The following STRADA variants were observed in gnomAD, a reference collection of about 807,000 sequenced individuals.
STRADA encodes the protein STE20 related adaptor alpha.
Under a neutral mutation model 55.0 loss-of-function variants are expected in STRADA, and 26 were observed. The observed-to-expected ratio is 0.47, with a 90% confidence interval of 0.35 to 0.66. The LOEUF is 0.66. Ranked by LOEUF, STRADA falls within the 30% of genes least tolerant of loss-of-function variation. The probability of loss-of-function intolerance (pLI) is 0.01; values close to 1 mark genes in which losing one functional copy is unlikely to be tolerated. For missense variants in STRADA, 443 were observed against 549.7 expected, an observed-to-expected ratio of 0.81 and a Z score of 1.94; for synonymous variants, 197 against 210.9, an observed-to-expected ratio of 0.93 and a Z score of 0.57.
chr17:63,715,700 T>C (rs1255491453), intron 4 of STRADA: 5 of 152,192 alleles, frequency 3.3e-5, no homozygotes, highest in Non-Finnish European at 7.3e-5. Flanking sequence ...CCACTTACCC[T>C]GGCAATAAGA....
In STRADA at chr17:63,728,889, CA is replaced by C. The variant is rs72080041; in HGVS notation, c.-44-477del. Among the ~76,000 whole-genome samples, 902 of 141,958 alleles carry C rather than the reference CA, an allele frequency of 6.4e-3. 5 individuals carry two copies. Among genetic ancestry groups the C allele is most frequent in the Admixed American group, 9.3e-3 (132 of 14,212 alleles). The allele number at this position is 141,958 out of a possible 152,430, so 93.1% of individuals were successfully genotyped here. ...CCTGGGTGACAGAGTGAGACTGTCTCAAAAAAAAAAAAAATTTTAATTAATT... is the reference window on the plus strand; with the variant it reads ...CCTGGGTGACAGAGTGAGACTGTCTCAAAAAAAAAAAAATTTTAATTAATT... On this transcript the variant is annotated intron_variant, in intron 1 of 12. Transcript: ENST00000336174.
intron 4 of STRADA, among the ~76,000 whole-genome samples, chr17:63,721,883 T>C (rs1345229097): frequency 6.6e-6 from 1 of 152,220 alleles, no homozygotes; most frequent in Non-Finnish European, 1.5e-5. Flanking sequence ...TTGTGGATAT[T>C]GTATAGGTCC....
At chr17:63,740,828 A>G (rs1407408189) in intron 1 of STRADA, among the ~76,000 whole-genome samples, 3 of 152,182 alleles carry the variant, frequency 2.0e-5, no homozygotes, top group African/African-American at 7.2e-5. Flanking sequence ...ATCTGATTAA[A>G]AAGTAGGGGA....
At chr17:63,740,151 C>CAG (rs1340895689) in intron 1 of STRADA, among the ~76,000 whole-genome samples, 5 of 79,690 alleles carry the variant, frequency 6.3e-5, no homozygotes, top group Admixed American at 1.3e-4. Context: ...TATATATACA[C>CAG]ACACACACAC....
intron 10 of STRADA, chr17:63,706,377 C>A (rs927965926): frequency 2.3e-6 from 1 of 443,654 alleles, no homozygotes; most frequent in Non-Finnish European, 4.0e-6. Flanking sequence ...TTTAAATAGA[C>A]ATGTAGCGTG....
intron 1 of STRADA, among the ~76,000 whole-genome samples, chr17:63,738,438 T>C (rs2038616545): frequency 6.6e-6 from 1 of 152,004 alleles, no homozygotes; most frequent in Non-Finnish European, 1.5e-5. Flanking sequence ...GCATGACCTT[T>C]ACTCTCTTGG....
intron 1 of STRADA, among the ~76,000 whole-genome samples, chr17:63,740,867 A>T (rs2038889678): frequency 6.6e-6 from 1 of 152,240 alleles, no homozygotes; most frequent in Non-Finnish European, 1.5e-5. Flanking sequence ...CACTGTAACT[A>T]AAGGCTGAAT....
intron 7 of STRADA, 46 bp downstream of exon 7, chr17:63,710,682 C>G: frequency 6.2e-7 from 1 of 1,613,948 alleles, no homozygotes; most frequent in Non-Finnish European, 8.5e-7. Context: ...AATCTGACAA[C>G]AGAGTCCCAA....
At position 63,739,776 on chromosome 17, in the gene STRADA, ATATATACATATAATGTACATAATTATATG is replaced by A. The variant is rs200321820; in HGVS notation, c.-45+1936_-45+1964del. Among the ~76,000 whole-genome samples the A allele has an allele frequency of 4.0e-3, 545 of 134,780 alleles. 11 individuals are homozygous for A. The East Asian group carries it at 0.043, about 11-fold the overall frequency. 88.4% of individuals were successfully genotyped at this position (134,780 alleles called of 152,430 possible). ...ATTATATATTTATGTATATATGTACATATATACATATAATGTACATAATTATATGTATATACATATAATGTACATAATTA... is the reference window on the plus strand; with the variant it reads ...ATTATATATTTATGTATATATGTACATATATACATATAATGTACATAATTA... On this transcript the variant is annotated intron_variant, in intron 1 of 12. Transcript: ENST00000336174.
chr17:63,739,764 G>GTATATATGCACATATAT (rs2038733484), intron 1 of STRADA, among the ~76,000 whole-genome samples: 3 of 112,408 alleles, frequency 2.7e-5, no homozygotes, highest in African/African-American at 1.2e-4. Context: ...ATATATTTAT[G>GTATATATGCACATATAT]TATATATGTA....
At chr17:63,719,520 A>G (rs893447262) in intron 4 of STRADA, among the ~76,000 whole-genome samples, 10 of 150,524 alleles carry the variant, frequency 6.6e-5, no homozygotes, top group African/African-American at 2.4e-4. Context: ...GTCTCGCTCT[A>G]TCGCCCAGGC....
chr17:63,732,346 G>T (rs898178346), intron 1 of STRADA, among the ~76,000 whole-genome samples: 1 of 152,100 alleles, frequency 6.6e-6, no homozygotes, highest in Non-Finnish European at 1.5e-5. Flanking sequence ...TGGAGACAGG[G>T]TCTTGCTCTG....
intron 1 of STRADA, among the ~76,000 whole-genome samples, chr17:63,740,103 T>TACAC: frequency 1.4e-5 from 1 of 72,616 alleles, no homozygotes; most frequent in African/African-American, 9.1e-5. Context: ...TATATATATA[T>TACAC]ATATACATAC....
intron 1 of STRADA, among the ~76,000 whole-genome samples, chr17:63,737,031 C>T (rs1488114490): frequency 2.0e-5 from 3 of 151,514 alleles, no homozygotes. Flanking sequence ...GGCAGATCAC[C>T]TGAGGTCAGG....
intron 1 of STRADA, among the ~76,000 whole-genome samples, chr17:63,740,145 T>TAC (rs753964028): frequency 0.023 from 991 of 42,846 alleles, 31 homozygotes; most frequent in Non-Finnish European, 0.027. Context: ...CATATATATA[T>TAC]ATACACACAC....
upstream of STRADA, chr17:63,741,977 G>T (rs916952615): frequency 1.3e-5 from 2 of 152,290 alleles, no homozygotes; most frequent in Non-Finnish European, 2.9e-5. Context: ...GCCGAGAGCG[G>T]TTCTCAGTTC....
intron 1 of STRADA, among the ~76,000 whole-genome samples, chr17:63,739,764 G>GTATATATGTACA (rs2038734462): frequency 8.9e-6 from 1 of 112,408 alleles, no homozygotes; most frequent in African/African-American, 3.9e-5. Context: ...ATATATTTAT[G>GTATATATGTACA]TATATATGTA....
rs762253780 is a variant in STRADA, at chr17:63,703,694, T to C, written c.1201A>G (p.Thr401Ala). The change falls in exon 13 of 13, where the codon ACC becomes GCC. Residue 401 changes from threonine (T) to alanine (A), a missense_variant. Transcript: ENST00000336174. ...TGAGACTGGCTGCCCTCAAAATTGG[T>C]GATGGGGGTGACAGGACGAAGCAAT... is the stretch of plus-strand genomic sequence containing the variant. Reference protein sequence around the residue: ...PELLRPVTPITNFEGSQSQDH... With the variant: ...PELLRPVTPIANFEGSQSQDH... The C allele has an allele frequency of 6.2e-7, 1 of 1,613,944 alleles. No individual in the cohort carries two copies. The highest frequency in any genetic ancestry group is 1.7e-5 in the Admixed American group (1 of 60,004).
intron 8 of STRADA, among the ~76,000 whole-genome samples, chr17:63,709,093 C>T (rs987635334): frequency 6.6e-6 from 1 of 152,160 alleles, no homozygotes; most frequent in Non-Finnish European, 1.5e-5. Context: ...TACCCCTAAC[C>T]AACACACGTG....
Sources: gnomAD v4.1 joint callset for allele counts (sites outside exome capture counted in the v4.1 genomes callset) on GRCh38, gnomAD v4.1.1 for gene constraint, MANE v1.5 for transcripts, NCBI Gene and HGNC (gene_info 2026-07-23, HGNC 2026-07-21) for gene names.